The following IFT80 variants were observed in gnomAD, a reference collection of about 807,000 sequenced individuals.
The protein encoded by IFT80 is intraflagellar transport 80.
A neutral mutation model predicts 107.9 loss-of-function variants in IFT80; 79 were observed. That is an observed-to-expected ratio of 0.73 (90% CI 0.61 to 0.88). The LOEUF (loss-of-function observed/expected upper bound fraction) is 0.88. Among genes scored for constraint, IFT80 ranks in the 40% least tolerant of loss-of-function variants. IFT80 has a pLI of 0.00. For missense variants in IFT80, 797 were observed against 914.2 expected, an observed-to-expected ratio of 0.87 and a Z score of 1.65; for synonymous variants, 299 against 300.9, an observed-to-expected ratio of 0.99 and a Z score of 0.07.
intron 4 of IFT80, among the ~76,000 whole-genome samples, 179 bp downstream of exon 4, chr3:160,377,251 G>A (rs1712097610): frequency 6.6e-6 from 1 of 152,138 alleles, no homozygotes; most frequent in Non-Finnish European, 1.5e-5. Context: ...GGTCACATAA[G>A]AAAATGATTA....
intron 8 of IFT80, among the ~76,000 whole-genome samples, chr3:160,325,735 A>C (rs894475962): frequency 6.6e-6 from 1 of 152,154 alleles, no homozygotes; most frequent in African/African-American, 2.4e-5. Context: ...TATATGTTAT[A>C]CACATAGCAG....
intron 1 of IFT80, among the ~76,000 whole-genome samples, chr3:160,385,590 A>C (rs1424763276): frequency 6.6e-6 from 1 of 152,220 alleles, no homozygotes; most frequent in Non-Finnish European, 1.5e-5. Flanking sequence ...CAAGCTACTA[A>C]ATAAAGCTGT....
At chr3:160,340,616 T>C (rs1267890393) in intron 8 of IFT80, among the ~76,000 whole-genome samples, 1 of 152,192 alleles carries the variant, frequency 6.6e-6, no homozygotes, top group Non-Finnish European at 1.5e-5. Flanking sequence ...CGGCTTGTGG[T>C]CCACTTCCTT....
At chr3:160,273,062 C>A (rs953860251) in intron 18 of IFT80, among the ~76,000 whole-genome samples, 3 of 152,118 alleles carry the variant, frequency 2.0e-5, no homozygotes, top group African/African-American at 4.8e-5. Context: ...GGATACCAAG[C>A]GATTACACTT....
chr3:160,338,391 T>C (rs1719646871), intron 8 of IFT80, among the ~76,000 whole-genome samples: 2 of 152,090 alleles, frequency 1.3e-5, no homozygotes, highest in African/African-American at 4.8e-5. Context: ...TCCTAGGCTG[T>C]AATCCACAAG....
chr3:160,288,597 A>G (rs1715283938), intron 12 of IFT80, among the ~76,000 whole-genome samples: 1 of 152,232 alleles, frequency 6.6e-6, no homozygotes, highest in Admixed American at 6.5e-5. Context: ...GCATCTGACA[A>G]AAGTCTAATA....
At chr3:160,348,484 A>C (rs567129494) in intron 8 of IFT80, among the ~76,000 whole-genome samples, 3 of 152,364 alleles carry the variant, frequency 2.0e-5, no homozygotes, top group South Asian at 2.1e-4. Context: ...AACACTGGAC[A>C]GCAATCAAAA....
chr3:160,385,370 A>C (rs1449555865), intron 1 of IFT80, among the ~76,000 whole-genome samples: 2 of 152,234 alleles, frequency 1.3e-5, no homozygotes, highest in Non-Finnish European at 2.9e-5. Flanking sequence ...TCTGAGTCCG[A>C]TTTACATTTA....
chr3:160,314,198 G>A (rs73154552), intron 9 of IFT80, among the ~76,000 whole-genome samples: 22,131 of 152,056 alleles, frequency 0.15, 2,151 homozygotes, highest in Non-Finnish European at 0.21. Context: ...GACATAAAAT[G>A]TCCTGTAAGA....
chr3:160,386,397 G>A (rs1264746398), intron 1 of IFT80, among the ~76,000 whole-genome samples: 1 of 152,218 alleles, frequency 6.6e-6, no homozygotes, highest in Non-Finnish European at 1.5e-5. Context: ...GATTGATCAT[G>A]AGGATCTGAC....
chr3:160,333,129 T>C (rs1490912740), intron 8 of IFT80, among the ~76,000 whole-genome samples: 1 of 151,934 alleles, frequency 6.6e-6, no homozygotes, highest in Non-Finnish European at 1.5e-5. Flanking sequence ...TAAACATACC[T>C]AAACACAAAA....
At chr3:160,321,530 C>A (rs1397191783) in intron 8 of IFT80, among the ~76,000 whole-genome samples, 1 of 151,828 alleles carries the variant, frequency 6.6e-6, no homozygotes, top group Non-Finnish European at 1.5e-5. Context: ...CCAGTGGAAG[C>A]CTGAAACTAT....
chr3:160,300,886 T>C lies in IFT80; in HGVS notation c.1312A>G (p.Lys438Glu). 6.3e-7 allele frequency: 1 copy of C among 1,599,062 alleles called. No homozygotes were observed. The highest frequency in any genetic ancestry group is 8.5e-7 in the Non-Finnish European group (1 of 1,173,308). ...TIAIRDKADE[K>E]IIFLFEASTG... ...AAAATTATAAAAATATACTTACTTT[T>C]TTCATCAGCTTTGTCTCTTATTGCT... Residue 438 changes from lysine to glutamate, a missense_variant, in exon 12 of 20, where the codon AAA becomes GAA. Lys to Glu is a moderately conservative substitution (Grantham distance 56). Transcript: ENST00000326448.
At chr3:160,323,159 T>TA (rs1270820448) in intron 8 of IFT80, among the ~76,000 whole-genome samples, 2 of 149,852 alleles carry the variant, frequency 1.3e-5, no homozygotes, top group Non-Finnish European at 3.0e-5. Context: ...CTAGGGTTTT[T>TA]ATGGTTTTAG....
intron 3 of IFT80, among the ~76,000 whole-genome samples, chr3:160,379,105 G>T (rs1712268812): frequency 6.6e-6 from 1 of 152,128 alleles, no homozygotes; most frequent in Non-Finnish European, 1.5e-5. Flanking sequence ...CACCAATAAT[G>T]GGTCAAACCA....
chr3:160,279,093 C>T (rs752243717), intron 16 of IFT80, 100 bp downstream of exon 16: 9 of 903,682 alleles, frequency 1.0e-5, no homozygotes, highest in Non-Finnish European at 1.2e-5. Context: ...ATCTTATTCA[C>T]AATTTTTCCA....
At chr3:160,323,517 G>T (rs1468548146) in intron 8 of IFT80, among the ~76,000 whole-genome samples, 1 of 151,826 alleles carries the variant, frequency 6.6e-6, no homozygotes, top group Admixed American at 6.6e-5. Context: ...ACAACCTGCT[G>T]CTGAATGACT....
Position 160,288,443 on chromosome 3 carries a change from G to A in IFT80, c.1316-2575C>T, listed in dbSNP as rs547051739. 3.3e-4 allele frequency among the ~76,000 whole-genome samples: 50 copies of A among 152,270 alleles called. 1 individual carries two copies. The highest frequency in any genetic ancestry group is 2.1e-4 in the South Asian group (1 of 4,822). ...CATGGGAACAAGGAAAGATTTCATGGCAAAGATGCCAAAAGCAATCGCAAC... is the reference window on the plus strand; with the variant it reads ...CATGGGAACAAGGAAAGATTTCATGACAAAGATGCCAAAAGCAATCGCAAC... On this transcript the variant is annotated intron_variant, in intron 12 of 19. Transcript: ENST00000326448.
At chr3:160,362,744 A>G (rs1456759509) in intron 6 of IFT80, among the ~76,000 whole-genome samples, 1 of 152,240 alleles carries the variant, frequency 6.6e-6, no homozygotes, top group East Asian at 1.9e-4. Context: ...AATCCATCAC[A>G]TAAACAGAAC....
Sources: gnomAD v4.1 joint callset for allele counts (sites outside exome capture counted in the v4.1 genomes callset) on GRCh38, gnomAD v4.1.1 for gene constraint, MANE v1.5 for transcripts, NCBI Gene and HGNC (gene_info 2026-07-23, HGNC 2026-07-21) for gene names.